The following ARHGAP24 variants were observed in gnomAD, a reference collection of about 807,000 sequenced individuals.
The protein encoded by ARHGAP24 is Rho GTPase activating protein 24, also known as rho GTPase-activating protein 24.
A neutral mutation model predicts 76.4 loss-of-function variants in ARHGAP24; 50 were observed. The ratio of observed to expected loss-of-function variants is 0.65; its 90% CI spans 0.52 to 0.83. The LOEUF is 0.83. ARHGAP24 is among the 40% of genes least tolerant of loss of function. The pLI is 0.00. For synonymous variants in ARHGAP24, 345 were observed against 323.3 expected, an observed-to-expected ratio of 1.07 and a Z score of -0.72; for missense variants, 930 against 914.2, an observed-to-expected ratio of 1.02 and a Z score of -0.22.
chr4:85,986,674 C>T (rs773482043), intron 8 of ARHGAP24, among the ~76,000 whole-genome samples: 39 of 152,026 alleles, frequency 2.6e-4, no homozygotes, highest in Non-Finnish European at 4.7e-4. Flanking sequence ...CAGAAATCTA[C>T]GGAGAGTAGA....
intron 3 of ARHGAP24, among the ~76,000 whole-genome samples, chr4:85,746,170 G>C (rs914571929): frequency 3.3e-5 from 5 of 152,212 alleles, no homozygotes; most frequent in African/African-American, 1.2e-4. Flanking sequence ...GGGAAAGAAA[G>C]GGCAAGCTAG....
chr4:85,586,846 C>T (rs529073781), intron 2 of ARHGAP24, among the ~76,000 whole-genome samples: 209 of 152,082 alleles, frequency 1.4e-3, no homozygotes, highest in Non-Finnish European at 2.3e-3. Flanking sequence ...TGCGGTGAAC[C>T]GACATTGCTC....
chr4:85,800,527 GGA>G (rs1351288241), intron 3 of ARHGAP24, among the ~76,000 whole-genome samples: 1 of 151,660 alleles, frequency 6.6e-6, no homozygotes, highest in Non-Finnish European at 1.5e-5. Flanking sequence ...AGGAAGAAGA[GGA>G]GAGAGGGGGA....
At chr4:85,878,142 G>A (rs149173778) in intron 3 of ARHGAP24, among the ~76,000 whole-genome samples, 136 of 152,140 alleles carry the variant, frequency 8.9e-4, no homozygotes, top group African/African-American at 3.0e-3. Flanking sequence ...GTCTAATTAT[G>A]CATAGATAGG....
chr4:85,812,741 T>A (rs1729066525), intron 3 of ARHGAP24, among the ~76,000 whole-genome samples: 1 of 152,220 alleles, frequency 6.6e-6, no homozygotes, highest in Admixed American at 6.5e-5. Context: ...CTTTCATAAT[T>A]GATCAATATA....
chr4:85,959,867 CTTTTA>C (rs1474277611), intron 5 of ARHGAP24, among the ~76,000 whole-genome samples: 1 of 152,068 alleles, frequency 6.6e-6, no homozygotes, highest in African/African-American at 2.4e-5. Context: ...ATGAAATGGC[CTTTTA>C]TTTTAGTTTT....
chr4:85,912,239 T>G (rs1009565017), intron 3 of ARHGAP24, among the ~76,000 whole-genome samples: 5 of 152,188 alleles, frequency 3.3e-5, no homozygotes, highest in Non-Finnish European at 7.4e-5. Flanking sequence ...TTTTGAAACA[T>G]TATACAAATG....
chr4:85,549,829 T>G (rs1726058949), intron 1 of ARHGAP24, among the ~76,000 whole-genome samples: 1 of 152,210 alleles, frequency 6.6e-6, no homozygotes, highest in Admixed American at 6.5e-5. Context: ...ACTCAATGTT[T>G]AGCTCCCACA....
intron 2 of ARHGAP24, among the ~76,000 whole-genome samples, chr4:85,613,312 G>A (rs62317184): frequency 0.27 from 40,342 of 151,990 alleles, 7,478 homozygotes; most frequent in East Asian, 0.84. Flanking sequence ...AATTTAGGAC[G>A]TACTTCGTTC....
chr4:85,606,861 A>C (rs139078349), intron 2 of ARHGAP24, among the ~76,000 whole-genome samples: 2 of 152,354 alleles, frequency 1.3e-5, no homozygotes, highest in African/African-American at 4.8e-5. Context: ...GGGAATAAGA[A>C]AGGCTGGAGC....
chr4:85,927,317 T>G (rs1736072651), intron 4 of ARHGAP24, among the ~76,000 whole-genome samples: 1 of 152,150 alleles, frequency 6.6e-6, no homozygotes, highest in Non-Finnish European at 1.5e-5. Context: ...GATTCGTGGT[T>G]GCTTAGAGCT....
intron 3 of ARHGAP24, among the ~76,000 whole-genome samples, chr4:85,841,564 C>T: frequency 6.6e-6 from 1 of 152,186 alleles, no homozygotes; most frequent in East Asian, 1.9e-4. Flanking sequence ...TTTACTATAG[C>T]AGTAGCTTTG....
chr4:85,826,544 CTT>C (rs1201273813), intron 3 of ARHGAP24, among the ~76,000 whole-genome samples: 1 of 152,178 alleles, frequency 6.6e-6, no homozygotes, highest in African/African-American at 2.4e-5. Context: ...AAGCAGTTTC[CTT>C]GAAGCCCAAG....
At position 85,579,493 on chromosome 4, in the gene ARHGAP24, G is replaced by GTT. The variant is rs5859985; in HGVS notation, c.180+8787_180+8788dup. Among the ~76,000 whole-genome samples, 302 of 128,770 alleles carry GTT rather than the reference G, an allele frequency of 2.3e-3. 6 individuals are homozygous for GTT. In the East Asian group the frequency reaches 0.036, roughly 15 times the overall value. 84.5% of individuals were successfully genotyped at this position (128,770 alleles called of 152,430 possible). A position where few individuals can be genotyped will look rare whatever the true frequency, so the allele number is the denominator to read the frequency against. ...CCATTTGTTACTTGTTCTCTTTTAG[G>GTT]TTTTTTTTTTTTTTTTGCTATTCAA... On this transcript the variant is annotated intron_variant, in intron 2 of 9. Transcript: ENST00000395184.
At chr4:85,670,864 A>C (rs1448707893) in intron 2 of ARHGAP24, among the ~76,000 whole-genome samples, 1 of 152,168 alleles carries the variant, frequency 6.6e-6, no homozygotes, top group Non-Finnish European at 1.5e-5. Context: ...AGCCTCAGGC[A>C]GTTCTCAAAC....
At chr4:85,870,071 T>G (rs1732437351) in intron 3 of ARHGAP24, among the ~76,000 whole-genome samples, 1 of 152,204 alleles carries the variant, frequency 6.6e-6, no homozygotes, top group African/African-American at 2.4e-5. Flanking sequence ...ATTGAGTTAA[T>G]GCATATAAAG....
chr4:85,790,222 C>T (rs534811020), intron 3 of ARHGAP24, among the ~76,000 whole-genome samples: 1 of 152,238 alleles, frequency 6.6e-6, no homozygotes, highest in South Asian at 2.1e-4. Context: ...GGGAAGTTGA[C>T]AATTTACTAG....
At chr4:85,636,475 T>C (rs977661794) in intron 2 of ARHGAP24, among the ~76,000 whole-genome samples, 3 of 151,914 alleles carry the variant, frequency 2.0e-5, no homozygotes, top group Non-Finnish European at 4.4e-5. Context: ...ATTAGTTATT[T>C]AAACTTTCTG....
At chr4:85,666,276 T>C (rs564523648) in intron 2 of ARHGAP24, among the ~76,000 whole-genome samples, 2 of 152,206 alleles carry the variant, frequency 1.3e-5, no homozygotes, top group African/African-American at 4.8e-5. Context: ...TCATCTTCCA[T>C]CACTGATACC....
Sources: allele counts gnomAD v4.1 joint callset (sites outside exome capture counted in the v4.1 genomes callset), GRCh38; gene constraint gnomAD v4.1.1; transcripts MANE v1.5; gene names NCBI Gene and HGNC (gene_info 2026-07-23, HGNC 2026-07-21).